The following DCAF5 variants were observed in gnomAD, a reference collection of about 807,000 sequenced individuals.
DCAF5 encodes the protein DDB1 and CUL4 associated factor 5.
Under a neutral mutation model 80.7 loss-of-function variants are expected in DCAF5, and 9 were observed. The observed-to-expected ratio is 0.11, with a 90% CI of 0.07 to 0.19. The LOEUF (loss-of-function observed/expected upper bound fraction) is 0.19, where lower values mean the gene tolerates loss of function less well. Among genes scored for constraint, DCAF5 ranks in the 10% least tolerant of loss-of-function variants. DCAF5 has a pLI of 1.00. For synonymous variants in DCAF5, 433 were observed against 461.9 expected (o/e 0.94, Z 0.80); for missense variants, 842 against 1,205.7 (o/e 0.70, Z 4.47).
chr14:69,131,931 T>A (rs898115878), intron 1 of DCAF5, among the ~76,000 whole-genome samples: 4 of 152,160 alleles, frequency 2.6e-5, no homozygotes, highest in Non-Finnish European at 5.9e-5. Context: ...CTTGGCACAG[T>A]GTCTTCAAGG....
rs188799799 is a variant in DCAF5 at position 69,145,523 on chromosome 14, A to T, written c.214+7242T>A. The stretch of plus-strand genomic sequence containing the variant: ...TTTTATAACTGAAAATAAAAAAAAA[A>T]ATTTTAATTTCCCATACTATAGCAA... On this transcript the variant is annotated intron_variant, in intron 1 of 8. Coordinates refer to ENST00000341516, the MANE Select transcript of DCAF5 (RefSeq NM_003861.3). 8.0e-3 allele frequency among the ~76,000 whole-genome samples: 1,219 copies of T among 152,228 alleles called. 12 individuals carry two copies. Among genetic ancestry groups the T allele is most frequent in the African/African-American group, 0.027 (1,124 of 41,536 alleles).
chr14:69,122,123 A>C (rs768246248), intron 2 of DCAF5, 94 bp downstream of exon 2: 57 of 1,458,920 alleles, frequency 3.9e-5, no homozygotes, highest in Admixed American at 1.4e-4. Context: ...CAGCTCAATG[A>C]AATACAGGAA....
intron 5 of DCAF5, among the ~76,000 whole-genome samples, chr14:69,112,590 T>C (rs2040407508): frequency 1.1e-5 from 1 of 95,178 alleles, no homozygotes; most frequent in Non-Finnish European, 2.2e-5. Context: ...ATGATATATA[T>C]GTATACACAC....
intron 7 of DCAF5, among the ~76,000 whole-genome samples, chr14:69,072,202 T>C (rs1486686571): frequency 2.0e-5 from 3 of 152,186 alleles, no homozygotes; most frequent in African/African-American, 7.2e-5. Flanking sequence ...CTGATTTCAA[T>C]AGTAGAAAGT....
chr14:69,090,038 C>T (rs2039476685), intron 6 of DCAF5: 8 of 985,436 alleles, frequency 8.1e-6, no homozygotes, highest in Non-Finnish European at 9.6e-6. Flanking sequence ...TCACCTTTCC[C>T]TCAGCCTCTG....
At chr14:69,076,231 C>T (rs1172475446) in intron 6 of DCAF5, among the ~76,000 whole-genome samples, 2 of 152,130 alleles carry the variant, frequency 1.3e-5, no homozygotes, top group Admixed American at 6.5e-5. Context: ...AACAATATGG[C>T]AATTCTTCAA....
intron 7 of DCAF5, among the ~76,000 whole-genome samples, chr14:69,073,548 G>A (rs1594948809): frequency 6.6e-6 from 1 of 151,906 alleles, no homozygotes. Context: ...AGCACTTTGG[G>A]AGGCTAAGGT....
chr14:69,145,390 T>C (rs2041507157), intron 1 of DCAF5, among the ~76,000 whole-genome samples: 2 of 152,188 alleles, frequency 1.3e-5, no homozygotes, highest in African/African-American at 2.4e-5. Flanking sequence ...CGTTAGCTAA[T>C]TTTTCTAATG....
In DCAF5 at chr14:69,055,006, G is replaced by A; in HGVS notation, c.1680C>T (p.Ser560=). 6.2e-7 allele frequency: 1 copy of A among 1,614,230 alleles called. No homozygotes were observed. The highest frequency in any genetic ancestry group is 8.5e-7 in the Non-Finnish European group (1 of 1,180,040). The change falls in exon 9 of 9, where the codon AGC becomes AGT. Residue 560 remains serine, a synonymous_variant. Transcript: ENST00000341516. The surrounding 1 kb of genome is among the most constrained non-coding windows in gnomAD (Gnocchi z 5.6). The part of the protein sequence containing the change: ...PRSPSPEDES[S]SSSSSSSSED... ...CAGAGCTGCTAGAGCTGCTGGAACT[G>A]CTGGATTCATCTTCGGGGCTGGGTG...
intron 6 of DCAF5, chr14:69,090,155 A>G (rs1396314096): frequency 2.1e-6 from 2 of 972,362 alleles, no homozygotes; most frequent in Admixed American, 1.2e-4. Flanking sequence ...AAGGATAGGA[A>G]ATCAACAAAA....
chr14:69,118,800 C>T lies in DCAF5; in HGVS notation c.395+394G>A, dbSNP rs2140061463. On this transcript the variant is annotated intron_variant, in intron 3 of 8. Coordinates refer to ENST00000341516, the MANE Select transcript of DCAF5 (RefSeq NM_003861.3). The surrounding 1 kb of genome is among the most constrained non-coding windows in gnomAD (Gnocchi z 4.0). ...GTTTCCTGATCTAGAACGGAGATGA[C>T]AATAGTATCTCCTCAGAAAATGAGT... Among the ~76,000 whole-genome samples, 1 of 152,244 alleles carries T rather than the reference C, an allele frequency of 6.6e-6. No individual in the cohort carries two copies. The highest frequency in any genetic ancestry group is 6.5e-5 in the Admixed American group (1 of 15,296).
chr14:69,109,844 G>A (rs1024355744), intron 5 of DCAF5, among the ~76,000 whole-genome samples: 3 of 152,194 alleles, frequency 2.0e-5, no homozygotes, highest in African/African-American at 7.2e-5. Flanking sequence ...ACTTAAGAGT[G>A]AGATTGCTGG....
rs923148333 is a variant in DCAF5 at position 69,052,382 on chromosome 14, A to G, written c.*1475T>C. 2.6e-5 allele frequency: 4 copies of G among 152,706 alleles called. No homozygotes were observed. The highest frequency in any genetic ancestry group is 9.7e-5 in the African/African-American group (4 of 41,450). The allele number at this position is 152,706 out of a possible 1,614,324, so 9.5% of individuals were successfully genotyped here. A position where few individuals can be genotyped will look rare whatever the true frequency, so the allele number is the denominator to read the frequency against. On this transcript the variant is annotated 3_prime_UTR_variant, in exon 9 of 9. Transcript: ENST00000341516. ...TCAGCGTTCGGCCCTCCCTACACCA[A>G]TCCCAGCTGGGCTCCTAGTTGTCTA...
chr14:69,075,447 AT>A, intron 6 of DCAF5, 36 bp from the exon 7 acceptor site: 1 of 1,294,456 alleles, frequency 7.7e-7, no homozygotes. Context: ...AACATTATAT[AT>A]TATAATATAG....
chr14:69,153,071 T>C lies in DCAF5; in HGVS notation c.-93A>G. 3 of 1,009,778 alleles carry C rather than the reference T, an allele frequency of 3.0e-6. No individual in the cohort carries two copies. The highest frequency in any genetic ancestry group is 4.0e-6 in the Non-Finnish European group (3 of 745,990). 62.6% of individuals were successfully genotyped at this position (1,009,778 alleles called of 1,614,324 possible). On this transcript the variant is annotated 5_prime_UTR_variant, in exon 1 of 9. Coordinates refer to ENST00000341516, the MANE Select transcript of DCAF5 (RefSeq NM_003861.3). ...CCCCCACCCGGCCCTCCCCCCGCGCTGCGATCCGGATGGTTCTTTAACCAG... is the reference window on the plus strand; with the variant it reads ...CCCCCACCCGGCCCTCCCCCCGCGCCGCGATCCGGATGGTTCTTTAACCAG...
At chr14:69,102,004 T>C (rs1201958584) in intron 5 of DCAF5, among the ~76,000 whole-genome samples, 3 of 152,202 alleles carry the variant, frequency 2.0e-5, no homozygotes, top group African/African-American at 4.8e-5. Flanking sequence ...AGGACATTAC[T>C]GTACACTACC....
intron 7 of DCAF5, among the ~76,000 whole-genome samples, chr14:69,065,053 C>T (rs563897011): frequency 6.6e-6 from 1 of 150,858 alleles, no homozygotes; most frequent in Non-Finnish European, 1.5e-5. Flanking sequence ...AAATTCAGAC[C>T]ATGGAAAAAC....
chr14:69,088,995 TA>T (rs1418152688), intron 6 of DCAF5, among the ~76,000 whole-genome samples: 3 of 151,986 alleles, frequency 2.0e-5, no homozygotes, highest in Non-Finnish European at 2.9e-5. Flanking sequence ...TGTGCACACT[TA>T]AAAAAAACTA....
Position 69,053,755 on chromosome 14 carries a change from T to G in DCAF5, c.*102A>C, listed in dbSNP as rs1410439464. 1.7e-6 allele frequency: 2 copies of G among 1,182,810 alleles called. No homozygotes were observed. The highest frequency in any genetic ancestry group is 5.1e-5 in the East Asian group (2 of 39,104). The allele number at this position is 1,182,810 out of a possible 1,614,324, so 73.3% of individuals were successfully genotyped here. On this transcript the variant is annotated 3_prime_UTR_variant, in exon 9 of 9. Coordinates refer to ENST00000341516, the MANE Select transcript of DCAF5 (RefSeq NM_003861.3). ...CACAAAATTTCAGGCCCTGGTTTCA[T>G]GTGCCTTTAATACTTGTTTTTCCTT...
Sources: gnomAD v4.1 joint callset for allele counts (sites outside exome capture counted in the v4.1 genomes callset) on GRCh38, gnomAD v4.1.1 for gene constraint, Gnocchi (gnomAD v3.1) non-coding constraint, MANE v1.5 for transcripts, NCBI Gene and HGNC (gene_info 2026-07-23, HGNC 2026-07-21) for gene names.